PROS1: variants seen among roughly 807,000 people sequenced by gnomAD.
PROS1 encodes the protein vitamin K-dependent protein S.
In PROS1, 29 loss-of-function variants were observed where a neutral mutation model predicts 75.9. That is an observed-to-expected ratio of 0.38 (90% CI 0.28 to 0.52). The LOEUF (loss-of-function observed/expected upper bound fraction) is 0.52, where lower values mean the gene tolerates loss of function less well. PROS1 is among the 20% of genes least tolerant of loss of function. The pLI is 0.83. For synonymous variants in PROS1, 245 were observed against 280.6 expected, an observed-to-expected ratio of 0.87 and a Z score of 1.27; for missense variants, 680 against 810.3, an observed-to-expected ratio of 0.84 and a Z score of 1.95.
rs199750003 is a variant in PROS1, at chr3:93,884,786, A to T, written c.1434T>A (p.Thr478=). 7 of 1,613,854 alleles carry T rather than the reference A, an allele frequency of 4.3e-6. No individual in the cohort carries two copies. Among genetic ancestry groups the T allele is most frequent in the Non-Finnish European group, 5.9e-6 (7 of 1,179,922 alleles). The change falls in exon 12 of 15, where the codon ACT becomes ACA. Residue 478 remains threonine, a synonymous_variant. Coordinates refer to ENST00000394236, the MANE Select transcript of PROS1 (RefSeq NM_000313.4). ...QEKQNKHCLV[T]VEKGSYYPGS... is the part of the protein sequence containing the mutation. Reference sequence around the variant, plus strand: ...CAGGATAGTAGGAGCCCTTCTCCACAGTAACCAGGCAATGCTTATTTTGTT... The same window carrying T: ...CAGGATAGTAGGAGCCCTTCTCCACTGTAACCAGGCAATGCTTATTTTGTT...
chr3:93,947,622 A>C (rs541726911), intron 1 of PROS1, among the ~76,000 whole-genome samples: 2 of 151,920 alleles, frequency 1.3e-5, no homozygotes, highest in Non-Finnish European at 2.9e-5. Flanking sequence ...GCTGGAGTGC[A>C]GTGGCGTGAT....
chr3:93,969,727 C>T (rs888264210), intron 1 of PROS1, among the ~76,000 whole-genome samples: 4 of 152,200 alleles, frequency 2.6e-5, no homozygotes, highest in African/African-American at 7.2e-5. Context: ...ATTCAGTAGC[C>T]TTCCAATAAA....
At chr3:93,958,532 TGA>T (rs1171744367) in intron 1 of PROS1, 2 of 152,246 alleles carry the variant, frequency 1.3e-5, no homozygotes, top group Non-Finnish European at 2.9e-5. Flanking sequence ...TTGCATCTTA[TGA>T]GACTCTTTTC....
In PROS1 at chr3:93,905,917, T is replaced by A. The variant is rs1708668246; in HGVS notation, c.470-2A>T. On this transcript the variant is annotated splice_acceptor_variant, in intron 5 of 14. Transcript: ENST00000394236. LOFTEE classifies it high-confidence loss of function. The stretch of plus-strand genomic sequence containing the variant: ...AGGGATCTTTGCATTCATTTATGTC[T>A]AAAACAGGAAAAAAATAAATTATTT... 1 of 1,612,802 alleles carries A rather than the reference T, an allele frequency of 6.2e-7. No homozygotes were observed. The highest frequency in any genetic ancestry group is 1.3e-5 in the African/African-American group (1 of 74,874).
chr3:93,924,294 A>G (rs1342952044), intron 2 of PROS1, 30 bp from the exon 3 acceptor site: 1 of 1,227,256 alleles, frequency 8.1e-7, no homozygotes, highest in Non-Finnish European at 1.1e-6. Context: ...AACATATCTT[A>G]GCAAACCTAA....
chr3:93,897,541 T>C (rs1353316851), intron 8 of PROS1, among the ~76,000 whole-genome samples: 1 of 152,048 alleles, frequency 6.6e-6, no homozygotes, highest in Non-Finnish European at 1.5e-5. Flanking sequence ...TCACACAGCA[T>C]GGCATTTCAA....
intron 4 of PROS1, among the ~76,000 whole-genome samples, chr3:93,907,639 T>C (rs954536899): frequency 5.3e-5 from 8 of 152,158 alleles, no homozygotes; most frequent in Admixed American, 5.2e-4. Context: ...CTTTTCTGCA[T>C]ACCTCATTCT....
In PROS1 at chr3:93,893,129, A is replaced by G. The variant is rs754439805; in HGVS notation, c.966-7T>C. 2.5e-6 allele frequency: 4 copies of G among 1,607,082 alleles called. No homozygotes were observed. Among genetic ancestry groups the G allele is most frequent in the South Asian group, 2.2e-5 (2 of 90,666 alleles). ...ATCAAATTCTGCTGAAAATCTAAAC[A>G]ATGGACAAAGAGAGATCCTTAAGAG... On this transcript the variant is annotated splice_region_variant and splice_polypyrimidine_tract_variant and intron_variant, in intron 9 of 14. Coordinates refer to ENST00000394236, the MANE Select transcript of PROS1 (RefSeq NM_000313.4).
chr3:93,972,429 T>G (rs1030147777), intron 1 of PROS1, among the ~76,000 whole-genome samples: 4 of 152,194 alleles, frequency 2.6e-5, no homozygotes, highest in African/African-American at 9.6e-5. Context: ...GATATATAAT[T>G]TTCTAGAAAT....
chr3:93,963,877 C>G lies in PROS1; in HGVS notation c.76+9797G>C, dbSNP rs116376605. ...CCTACAATGGAGGTGCCTTCCCTCC[C>G]CTCCCCTTCCGTTCCCTTTCCTTTT... On this transcript the variant is annotated intron_variant, in intron 1 of 14. Transcript: ENST00000394236. 6.7e-3 allele frequency among the ~76,000 whole-genome samples: 1,018 copies of G among 152,280 alleles called. 13 individuals carry two copies. Among genetic ancestry groups the G allele is most frequent in the African/African-American group, 0.023 (937 of 41,558 alleles).
intron 1 of PROS1, among the ~76,000 whole-genome samples, chr3:93,947,111 C>T (rs765187354): frequency 2.1e-4 from 32 of 152,242 alleles, no homozygotes; most frequent in South Asian, 2.1e-4. Flanking sequence ...ATCAAAACCA[C>T]GATGAGATAC....
chr3:93,909,433 TAAAAA>T (rs752049146), intron 4 of PROS1, among the ~76,000 whole-genome samples: 1 of 79,896 alleles, frequency 1.3e-5, no homozygotes. Flanking sequence ...AGAGCTTGTC[TAAAAA>T]AAAAAAAAAA....
intron 1 of PROS1, among the ~76,000 whole-genome samples, chr3:93,968,199 G>A (rs1355407928): frequency 6.6e-6 from 1 of 152,144 alleles, no homozygotes; most frequent in African/African-American, 2.4e-5. Flanking sequence ...TGGAAATAGG[G>A]TCTTTGCAGA....
intron 1 of PROS1, among the ~76,000 whole-genome samples, chr3:93,954,289 C>G (rs968018259): frequency 2.6e-5 from 4 of 152,128 alleles, no homozygotes; most frequent in African/African-American, 4.8e-5. Context: ...GACAAAAGAA[C>G]AAAGCTGGAG....
In PROS1 at chr3:93,900,789, C is replaced by A; in HGVS notation, c.727+15G>T. 1 of 1,612,040 alleles carries A rather than the reference C, an allele frequency of 6.2e-7. No individual in the cohort carries two copies. Among genetic ancestry groups the A allele is most frequent in the Non-Finnish European group, 8.5e-7 (1 of 1,179,752 alleles). ...ACCCTCTCCACCATCAGTAATGATA[C>A]CACCATCATCCTACCTTCACAAGAC... On this transcript the variant is annotated intron_variant, in intron 7 of 14. Coordinates refer to ENST00000394236, the MANE Select transcript of PROS1 (RefSeq NM_000313.4).
chr3:93,886,910 CTTTTT>C (rs1297839394), intron 10 of PROS1, among the ~76,000 whole-genome samples: 4 of 130,574 alleles, frequency 3.1e-5, no homozygotes, highest in Admixed American at 1.6e-4. Context: ...TAAATAAGTT[CTTTTT>C]TTTTTTTTTT....
chr3:93,937,085 C>G (rs569513426), intron 1 of PROS1, among the ~76,000 whole-genome samples: 4 of 152,028 alleles, frequency 2.6e-5, no homozygotes, highest in African/African-American at 9.7e-5. Context: ...TCTCAGACAC[C>G]GAGTTGTAGA....
intron 1 of PROS1, among the ~76,000 whole-genome samples, chr3:93,933,119 A>C (rs1709131491): frequency 6.6e-6 from 1 of 152,208 alleles, no homozygotes; most frequent in South Asian, 2.1e-4. Flanking sequence ...TTTGGCTAGC[A>C]CTTGGGTTGG....
chr3:93,946,361 C>T (rs1471931536), intron 1 of PROS1, among the ~76,000 whole-genome samples: 1 of 152,098 alleles, frequency 6.6e-6, no homozygotes, highest in Non-Finnish European at 1.5e-5. Context: ...AATCCTAAGA[C>T]AAAAGAACAA....
Sources: gnomAD v4.1 joint callset for allele counts (sites outside exome capture counted in the v4.1 genomes callset) on GRCh38, gnomAD v4.1.1 for gene constraint, MANE v1.5 for transcripts, NCBI Gene and HGNC (gene_info 2026-07-23, HGNC 2026-07-21) for gene names.